Variants in POU6F2 observed in about 807,000 individuals in gnomAD.
POU6F2 encodes POU domain, class 6, transcription factor 2.
In POU6F2, 31 loss-of-function variants were observed where a neutral mutation model predicts 71.3. The ratio of observed to expected loss-of-function variants is 0.43; its 90% CI spans 0.33 to 0.59. The LOEUF is 0.59. Among genes scored for constraint, POU6F2 ranks in the 20% least tolerant of loss-of-function variants. The probability of loss-of-function intolerance (pLI) is 0.04; values close to 1 mark genes in which losing one functional copy is unlikely to be tolerated. For synonymous variants in POU6F2, 347 were observed against 355.7 expected, an observed-to-expected ratio of 0.98 and a Z score of 0.27; for missense variants, 783 against 856.8, an observed-to-expected ratio of 0.91 and a Z score of 1.07.
intron 4 of POU6F2, among the ~76,000 whole-genome samples, chr7:39,294,663 C>T (rs34421793): frequency 0.46 from 69,061 of 151,726 alleles, 16,533 homozygotes; most frequent in Admixed American, 0.59. Context: ...ACCAAATGCA[C>T]CCTGATTCAT....
At chr7:38,999,067 C>T (rs1788826174) in intron 1 of POU6F2, among the ~76,000 whole-genome samples, 1 of 151,994 alleles carries the variant, frequency 6.6e-6, no homozygotes, top group African/African-American at 2.4e-5. Context: ...GAGAACATAG[C>T]AATGGGCTAT....
chr7:39,410,561 G>T lies in POU6F2; in HGVS notation c.1113+3821G>T, dbSNP rs113826781. Among the ~76,000 whole-genome samples, 318 of 152,274 alleles carry T rather than the reference G, an allele frequency of 2.1e-3. 2 individuals are homozygous for T. The highest frequency in any genetic ancestry group is 7.1e-3 in the African/African-American group (295 of 41,554). Reference sequence around the variant, plus strand: ...ACGGGTGCTAGCTGTGGACTTGTTTGAATTCCAGGTTGGCCCATAACTGGC... The same window carrying T: ...ACGGGTGCTAGCTGTGGACTTGTTTTAATTCCAGGTTGGCCCATAACTGGC... On this transcript the variant is annotated intron_variant, in intron 6 of 9. Coordinates refer to ENST00000518318, the MANE Select transcript of POU6F2 (RefSeq NM_001370959.1).
chr7:39,200,188 G>A (rs938079608), intron 2 of POU6F2, among the ~76,000 whole-genome samples: 3 of 152,142 alleles, frequency 2.0e-5, no homozygotes, highest in Non-Finnish European at 2.9e-5. Flanking sequence ...CAGTCTTAGC[G>A]CAAAGGAGAT....
intron 4 of POU6F2, among the ~76,000 whole-genome samples, chr7:39,318,972 A>G (rs1387789904): frequency 1.3e-5 from 2 of 152,076 alleles, no homozygotes; most frequent in African/African-American, 2.4e-5. Context: ...GTGAGACTCC[A>G]TCTCTAAAAA....
In POU6F2 at chr7:39,314,894, C is replaced by A. The variant is rs71536638; in HGVS notation, c.599-24748C>A. Among the ~76,000 whole-genome samples the A allele has an allele frequency of 2.5e-3, 374 of 151,312 alleles. 4 individuals carry two copies. Among genetic ancestry groups the A allele is most frequent in the Non-Finnish European group, 4.3e-3 (294 of 67,716 alleles). Reference sequence around the variant, plus strand: ...TAAAGTAGATAACTTAAAAAAAAAACAAAAAACCTCTTAGTCATGGCACCG... The same window carrying A: ...TAAAGTAGATAACTTAAAAAAAAAAAAAAAAACCTCTTAGTCATGGCACCG... On this transcript the variant is annotated intron_variant, in intron 4 of 9. Coordinates refer to ENST00000518318, the MANE Select transcript of POU6F2 (RefSeq NM_001370959.1).
intron 1 of POU6F2, among the ~76,000 whole-genome samples, chr7:39,019,822 A>G (rs150049413): frequency 5.9e-5 from 9 of 152,110 alleles, no homozygotes; most frequent in Admixed American, 1.3e-4. Flanking sequence ...TCTTCTTCAC[A>G]TCACCAATTA....
chr7:39,136,786 G>C (rs1409407428), intron 2 of POU6F2, among the ~76,000 whole-genome samples: 1 of 151,438 alleles, frequency 6.6e-6, no homozygotes, highest in East Asian at 1.9e-4. Flanking sequence ...TCGAGACCAA[G>C]AGTTCAAGGT....
chr7:39,302,118 AT>A (rs1363360643), intron 4 of POU6F2, among the ~76,000 whole-genome samples: 2 of 152,188 alleles, frequency 1.3e-5, no homozygotes, highest in Admixed American at 1.3e-4. Flanking sequence ...AAACCATCTT[AT>A]TCCATCTTTT....
chr7:39,014,701 G>T (rs181351326), intron 1 of POU6F2, among the ~76,000 whole-genome samples: 1 of 151,928 alleles, frequency 6.6e-6, no homozygotes. Flanking sequence ...GCTTAGACCT[G>T]GAAAGAAAAT....
intron 1 of POU6F2, among the ~76,000 whole-genome samples, chr7:38,979,447 C>G (rs1378299675): frequency 6.6e-6 from 1 of 152,098 alleles, no homozygotes; most frequent in East Asian, 1.9e-4. Context: ...CAGGCTCACA[C>G]TATTTTAAAA....
At chr7:39,069,252 G>T (rs1790824686) in intron 1 of POU6F2, among the ~76,000 whole-genome samples, 1 of 152,216 alleles carries the variant, frequency 6.6e-6, no homozygotes, top group African/African-American at 2.4e-5. Context: ...ACCATTAGCA[G>T]CTGAAAAGGG....
At chr7:39,196,412 G>GA (rs34189892) in intron 2 of POU6F2, among the ~76,000 whole-genome samples, 3 of 152,128 alleles carry the variant, frequency 2.0e-5, no homozygotes, top group East Asian at 1.9e-4. Context: ...TCTTATTGGG[G>GA]AAAAAAAGCC....
At chr7:39,010,112 T>C (rs1419553447) in intron 1 of POU6F2, among the ~76,000 whole-genome samples, 1 of 104,096 alleles carries the variant, frequency 9.6e-6, no homozygotes, top group Admixed American at 1.0e-4. Flanking sequence ...CAGTTCCTCC[T>C]TCTACCTCTG....
At chr7:39,407,719 C>G (rs1787466315) in intron 6 of POU6F2, among the ~76,000 whole-genome samples, 1 of 152,026 alleles carries the variant, frequency 6.6e-6, no homozygotes, top group Non-Finnish European at 1.5e-5. Context: ...ATTTTGATGT[C>G]TTGAACCCTG....
rs967160183 is a variant in POU6F2, at chr7:39,231,800, G to A, written c.598+24180G>A. On this transcript the variant is annotated intron_variant, in intron 4 of 9. Transcript: ENST00000518318. ...TGTGTGCGCCCCACTGGCCCTCGCT[G>A]GACATAGATGTGAAAGAAAAAAAAA... is the stretch of plus-strand genomic sequence containing the variant. Among the ~76,000 whole-genome samples, 41 of 152,150 alleles carry A rather than the reference G, an allele frequency of 2.7e-4. 1 individual carries two copies. Among genetic ancestry groups the A allele is most frequent in the Admixed American group, 1.6e-3 (24 of 15,286 alleles).
rs1204296665 is a variant in POU6F2, at chr7:39,465,850, T to TA, written c.*1165dup. 1 of 152,216 alleles carries TA rather than the reference T, an allele frequency of 6.6e-6. No individual in the cohort carries two copies. The highest frequency in any genetic ancestry group is 1.5e-5 in the Non-Finnish European group (1 of 68,032). 9.4% of individuals were successfully genotyped at this position (152,216 alleles called of 1,614,324 possible). A position where few individuals can be genotyped will look rare whatever the true frequency, so the allele number is the denominator to read the frequency against. The stretch of plus-strand genomic sequence containing the variant: ...TAAGCTGCACATTTGGTTCAATACT[T>TA]ACATCTATGTTATGCTTCTGTGCAA... On this transcript the variant is annotated 3_prime_UTR_variant, in exon 10 of 10. Coordinates refer to ENST00000518318, the MANE Select transcript of POU6F2 (RefSeq NM_001370959.1).
intron 4 of POU6F2, among the ~76,000 whole-genome samples, chr7:39,333,190 C>T (rs904063154): frequency 3.3e-5 from 5 of 152,228 alleles, no homozygotes; most frequent in Admixed American, 6.5e-5. Flanking sequence ...TTACATCCTT[C>T]GCTTTTTATC....
chr7:39,011,848 G>A (rs1789295688), intron 1 of POU6F2, among the ~76,000 whole-genome samples: 2 of 149,472 alleles, frequency 1.3e-5, no homozygotes, highest in Admixed American at 1.3e-4. Flanking sequence ...GTTGAATATT[G>A]GCCCCCACTC....
At chr7:39,315,384 T>C (rs1434590596) in intron 4 of POU6F2, among the ~76,000 whole-genome samples, 1 of 152,094 alleles carries the variant, frequency 6.6e-6, no homozygotes, top group Non-Finnish European at 1.5e-5. Flanking sequence ...CCCCAGGGGT[T>C]TTTGCAAGGG....
Sources: gnomAD v4.1 joint callset for allele counts (sites outside exome capture counted in the v4.1 genomes callset) on GRCh38, gnomAD v4.1.1 for gene constraint, MANE v1.5 for transcripts, NCBI Gene and HGNC (gene_info 2026-07-23, HGNC 2026-07-21) for gene names.